ABCD3: variants seen among roughly 807,000 people sequenced by gnomAD.
ABCD3 encodes the protein ATP binding cassette subfamily D member 3, also known as ATP-binding cassette sub-family D member 3.
A neutral mutation model predicts 105.5 loss-of-function variants in ABCD3; 41 were observed. The ratio of observed to expected loss-of-function variants is 0.39; its 90% CI spans 0.30 to 0.50. The LOEUF (loss-of-function observed/expected upper bound fraction) is 0.50. Ranked by LOEUF, ABCD3 falls within the 20% of genes least tolerant of loss-of-function variation. The probability of loss-of-function intolerance (pLI) is 0.84; values close to 1 mark genes in which losing one functional copy is unlikely to be tolerated. For synonymous variants in ABCD3, 258 were observed against 269.0 expected, an observed-to-expected ratio of 0.96 and a Z score of 0.40; for missense variants, 622 against 806.3, an observed-to-expected ratio of 0.77 and a Z score of 2.77.
Position 94,418,554 on chromosome 1 carries a change from C to G in ABCD3, c.76C>G (p.Leu26Val). ...AGAAFLLLCL[L>V]HKRRRALGLH... ...TGCCGCGTTCCTGCTGCTCTGCCTG[C>G]TCCACAAGCGGCGCCGCGCCCTCGG... The change falls in exon 1 of 23, where the codon CTC becomes GTC. Residue 26 changes from leucine (L) to valine (V), a missense_variant. Physicochemically the swap from Leu to Val is conservative, Grantham distance 32. Coordinates refer to ENST00000370214, the MANE Select transcript of ABCD3 (RefSeq NM_002858.4). 4 of 1,604,214 alleles carry G rather than the reference C, an allele frequency of 2.5e-6. No homozygotes were observed. Among genetic ancestry groups the G allele is most frequent in the Non-Finnish European group, 3.4e-6 (4 of 1,179,026 alleles).
chr1:94,428,697 C>T (rs898346521), intron 1 of ABCD3, among the ~76,000 whole-genome samples: 1 of 152,078 alleles, frequency 6.6e-6, no homozygotes, highest in Non-Finnish European at 1.5e-5. Context: ...TGACTTGCTC[C>T]TCTTTGCCTT....
At chr1:94,391,901 T>C in the ABCD3 span, among the ~76,000 whole-genome samples, 2 of 152,174 alleles carry the variant, frequency 1.3e-5, no homozygotes, top group African/African-American at 4.8e-5. Context: ...CCAGCCTGAT[T>C]TGTTGTGGGA....
chr1:94,413,506 T>G (rs192759910), upstream of ABCD3, among the ~76,000 whole-genome samples: 1 of 152,262 alleles, frequency 6.6e-6, no homozygotes, highest in African/African-American at 2.4e-5. Flanking sequence ...GAAAGTCTAG[T>G]AGTGGTGAAC....
At chr1:94,469,119 C>A (rs1412351979) in intron 4 of ABCD3, among the ~76,000 whole-genome samples, 1 of 152,316 alleles carries the variant, frequency 6.6e-6, no homozygotes, top group South Asian at 2.1e-4. Context: ...CTCTCACTCA[C>A]AACTGTCATT....
the ABCD3 span, among the ~76,000 whole-genome samples, chr1:94,388,754 C>G: frequency 6.6e-6 from 1 of 152,098 alleles, no homozygotes; most frequent in African/African-American, 2.4e-5. Flanking sequence ...ACGCCAGAGT[C>G]TTGCATTCAG....
At chr1:94,484,954 T>TG (rs1300185722) in intron 10 of ABCD3, among the ~76,000 whole-genome samples, 3 of 152,204 alleles carry the variant, frequency 2.0e-5, no homozygotes, top group Non-Finnish European at 4.4e-5. Context: ...CAAGATAGTA[T>TG]GTATATATTT....
intron 4 of ABCD3, among the ~76,000 whole-genome samples, chr1:94,468,248 C>T (rs1029184420): frequency 2.2e-4 from 34 of 152,120 alleles, no homozygotes; most frequent in African/African-American, 8.2e-4. Context: ...CCTTGCTGAG[C>T]TGACAGTTTA....
intron 2 of ABCD3, among the ~76,000 whole-genome samples, chr1:94,460,795 A>G (rs2100966250): frequency 6.6e-6 from 1 of 152,142 alleles, no homozygotes; most frequent in African/African-American, 2.4e-5. Flanking sequence ...GTCTTTGAAA[A>G]ATGTGATAAG....
intron 13 of ABCD3, among the ~76,000 whole-genome samples, chr1:94,489,185 G>A (rs957109223): frequency 1.3e-5 from 2 of 151,770 alleles, no homozygotes; most frequent in African/African-American, 4.8e-5. Flanking sequence ...TTTCTCTATT[G>A]CCACAGTGAT....
At chr1:94,512,579 T>G (rs879581647) in intron 21 of ABCD3, among the ~76,000 whole-genome samples, 4 of 152,040 alleles carry the variant, frequency 2.6e-5, no homozygotes, top group African/African-American at 4.8e-5. Flanking sequence ...ATTAGAGTTT[T>G]TTTATGAATA....
chr1:94,506,845 A>G (rs1650379102), intron 21 of ABCD3, among the ~76,000 whole-genome samples: 1 of 152,030 alleles, frequency 6.6e-6, no homozygotes, highest in South Asian at 2.1e-4. Context: ...CTCTTTATAT[A>G]TGGGAAATAG....
At chr1:94,473,984 A>G in intron 5 of ABCD3, 149 bp downstream of exon 5, 1 of 631,438 alleles carries the variant, frequency 1.6e-6, no homozygotes, top group Admixed American at 3.0e-5. Context: ...TATAATTTTC[A>G]ATGTAAACCT....
At chr1:94,456,175 C>G (rs937612004) in intron 1 of ABCD3, among the ~76,000 whole-genome samples, 6 of 149,070 alleles carry the variant, frequency 4.0e-5, no homozygotes, top group African/African-American at 1.2e-4. Flanking sequence ...TGAGATTATG[C>G]AGAATTTGTC....
chr1:94,422,298 G>A (rs1415806067), intron 1 of ABCD3, among the ~76,000 whole-genome samples: 1 of 152,150 alleles, frequency 6.6e-6, no homozygotes, highest in African/African-American at 2.4e-5. Flanking sequence ...AGATCAGCAG[G>A]GGCATTAGAT....
chr1:94,464,623 AT>A, intron 2 of ABCD3, 151 bp from the exon 3 acceptor site: 3 of 699,114 alleles, frequency 4.3e-6, no homozygotes, highest in South Asian at 3.4e-5. Flanking sequence ...ATGTTTGAAT[AT>A]GAGGAGCAGT....
the ABCD3 span, among the ~76,000 whole-genome samples, chr1:94,404,671 A>G: frequency 6.6e-6 from 1 of 151,544 alleles, no homozygotes; most frequent in African/African-American, 2.4e-5. Flanking sequence ...GTAGGTCACA[A>G]ATTTCATTGT....
At chr1:94,489,032 C>T (rs564843006) in intron 13 of ABCD3, among the ~76,000 whole-genome samples, 3 of 152,158 alleles carry the variant, frequency 2.0e-5, no homozygotes, top group Admixed American at 1.3e-4. Flanking sequence ...CATAAACATT[C>T]ATCACCTCCC....
Position 94,518,129 on chromosome 1 carries a change from G to T in ABCD3, c.*1000G>T, listed in dbSNP as rs1651011252. ...TACATGGGTGAATTATGTTTCCGAG[G>T]CACTGTTTTATCTCTGTGAATCTTG... On this transcript the variant is annotated 3_prime_UTR_variant, in exon 23 of 23. Coordinates refer to ENST00000370214, the MANE Select transcript of ABCD3 (RefSeq NM_002858.4). 1 of 151,868 alleles carries T rather than the reference G, an allele frequency of 6.6e-6. No individual in the cohort carries two copies. Among genetic ancestry groups the T allele is most frequent in the Non-Finnish European group, 1.5e-5 (1 of 67,766 alleles). The allele number at this position is 151,868 out of a possible 1,614,324, so 9.4% of individuals were successfully genotyped here. A position where few individuals can be genotyped will look rare whatever the true frequency, so the allele number is the denominator to read the frequency against.
At chr1:94,401,904 C>T in the ABCD3 span, among the ~76,000 whole-genome samples, 1 of 152,184 alleles carries the variant, frequency 6.6e-6, no homozygotes, top group African/African-American at 2.4e-5. Flanking sequence ...ACCACCACCC[C>T]AAAGAAAATA....
Sources: allele counts gnomAD v4.1 joint callset (sites outside exome capture counted in the v4.1 genomes callset), GRCh38; gene constraint gnomAD v4.1.1; transcripts MANE v1.5; gene names NCBI Gene and HGNC (gene_info 2026-07-23, HGNC 2026-07-21).